The following RPH3A variants were observed in gnomAD, a reference collection of about 807,000 sequenced individuals.
The protein encoded by RPH3A is rabphilin 3A, also known as rabphilin-3A.
In RPH3A, 48 loss-of-function variants were observed where a neutral mutation model predicts 102.2. The observed-to-expected ratio is 0.47, with a 90% CI of 0.37 to 0.60. The LOEUF is 0.60. Ranked by LOEUF, RPH3A falls within the 20% of genes least tolerant of loss-of-function variation. RPH3A has a pLI of 0.00. For synonymous variants in RPH3A, 310 were observed against 324.3 expected, an observed-to-expected ratio of 0.96 and a Z score of 0.47; for missense variants, 781 against 910.1, an observed-to-expected ratio of 0.86 and a Z score of 1.83.
intron 2 of RPH3A, among the ~76,000 whole-genome samples, chr12:112,795,629 C>T (rs1593007410): frequency 6.6e-6 from 1 of 152,186 alleles, no homozygotes; most frequent in South Asian, 2.1e-4. Flanking sequence ...CTTAATCTCT[C>T]TGAGCCTCAG....
chr12:112,631,478 C>G (rs574840463), intron 1 of RPH3A, among the ~76,000 whole-genome samples: 2 of 152,070 alleles, frequency 1.3e-5, no homozygotes, highest in South Asian at 2.1e-4. Flanking sequence ...AAGTTCAAAC[C>G]CACTTTTAAC....
chr12:112,804,226 C>T (rs909162374), intron 2 of RPH3A, among the ~76,000 whole-genome samples: 2 of 152,130 alleles, frequency 1.3e-5, no homozygotes, highest in African/African-American at 4.8e-5. Flanking sequence ...GTGGCCAAAC[C>T]ATAAAGCTCC....
At chr12:112,842,394 C>T (rs559119846) in intron 4 of RPH3A, among the ~76,000 whole-genome samples, 2 of 152,296 alleles carry the variant, frequency 1.3e-5, no homozygotes, top group African/African-American at 2.4e-5. Flanking sequence ...GATGAGCTCA[C>T]TAATAAGTAT....
At position 112,813,088 on chromosome 12, in the gene RPH3A, G is replaced by A. The variant is rs141167378; in HGVS notation, c.-18-15213G>A. Reference sequence around the variant, plus strand: ...GTTATCATCCTTGTTTTTCTTAGAAGGAAAGAAAGGCATAGAGAGGTTAAG... The same window carrying A: ...GTTATCATCCTTGTTTTTCTTAGAAAGAAAGAAAGGCATAGAGAGGTTAAG... On this transcript the variant is annotated intron_variant, in intron 2 of 21. Transcript: ENST00000389385. Among the ~76,000 whole-genome samples the A allele has an allele frequency of 3.3e-5, 5 of 152,240 alleles. No homozygotes were observed. The East Asian group carries it at 9.6e-4, about 29-fold the overall frequency.
In RPH3A at chr12:112,716,679, G is replaced by A. The variant is rs116185926; in HGVS notation, c.-139-75464G>A. Among the ~76,000 whole-genome samples, 578 of 152,320 alleles carry A rather than the reference G, an allele frequency of 3.8e-3. 6 individuals are homozygous for A. The highest frequency in any genetic ancestry group is 0.013 in the African/African-American group (550 of 41,566). The stretch of plus-strand genomic sequence containing the variant: ...GTCACATGCCCACACCTAAGTGGAG[G>A]CTGGGAAATGTAGTCTCTGGCTAGG... On this transcript the variant is annotated intron_variant, in intron 1 of 21. Transcript: ENST00000543106.
chr12:112,707,975 G>T (rs2040436417), intron 1 of RPH3A, among the ~76,000 whole-genome samples: 1 of 152,236 alleles, frequency 6.6e-6, no homozygotes, highest in Admixed American at 6.5e-5. Flanking sequence ...TGGGTAGTGG[G>T]CCAAGGTGTT....
At chr12:112,629,606 A>G (rs1291116267) in intron 1 of RPH3A, among the ~76,000 whole-genome samples, 1 of 150,754 alleles carries the variant, frequency 6.6e-6, no homozygotes, top group African/African-American at 2.4e-5. Flanking sequence ...CCTCCCTAGT[A>G]CCTGGCACTG....
At chr12:112,865,119 A>C (rs2042586181) in intron 5 of RPH3A, among the ~76,000 whole-genome samples, 2 of 152,208 alleles carry the variant, frequency 1.3e-5, no homozygotes. Flanking sequence ...AACGCTCAGA[A>C]GGCAGTTTCT....
At chr12:112,667,344 A>G (rs571538864) in intron 1 of RPH3A, among the ~76,000 whole-genome samples, 1 of 152,278 alleles carries the variant, frequency 6.6e-6, no homozygotes, top group South Asian at 2.1e-4. Flanking sequence ...GGAAGCTCAA[A>G]TAATATGTCA....
At chr12:112,630,504 G>A (rs998119822) in intron 1 of RPH3A, among the ~76,000 whole-genome samples, 1 of 152,152 alleles carries the variant, frequency 6.6e-6, no homozygotes, top group African/African-American at 2.4e-5. Flanking sequence ...AGACAAGGGG[G>A]CCAGGCTTCT....
intron 1 of RPH3A, among the ~76,000 whole-genome samples, chr12:112,680,614 T>C (rs560181199): frequency 6.4e-4 from 98 of 152,090 alleles, no homozygotes; most frequent in African/African-American, 2.3e-3. Flanking sequence ...TCCCACCACC[T>C]CTCTAGTTAC....
At chr12:112,891,228 T>C (rs1250174260) in intron 19 of RPH3A, 25 of 567,946 alleles carry the variant, frequency 4.4e-5, no homozygotes, top group Non-Finnish European at 6.6e-5. Flanking sequence ...CAAAGCTCTG[T>C]GGCTCTGTCC....
At chr12:112,880,819 C>T (rs1355198798) in intron 14 of RPH3A, among the ~76,000 whole-genome samples, 2 of 152,118 alleles carry the variant, frequency 1.3e-5, no homozygotes, top group Admixed American at 6.5e-5. Flanking sequence ...TGTATTCTTA[C>T]AATAAAGTAA....
intron 1 of RPH3A, among the ~76,000 whole-genome samples, chr12:112,578,024 C>T (rs2039371613): frequency 6.6e-6 from 1 of 152,182 alleles, no homozygotes; most frequent in Non-Finnish European, 1.5e-5. Flanking sequence ...CTCTCTTCCC[C>T]TCTGAGTTAT....
intron 5 of RPH3A, among the ~76,000 whole-genome samples, chr12:112,853,016 G>A (rs181384351): frequency 2.6e-5 from 4 of 152,270 alleles, no homozygotes; most frequent in South Asian, 2.1e-4. Flanking sequence ...GCATCCAGAC[G>A]CCGTGATGGA....
intron 1 of RPH3A, among the ~76,000 whole-genome samples, chr12:112,634,549 CAAAAAAAAA>C (rs59376255): frequency 9.6e-6 from 1 of 103,946 alleles, no homozygotes; most frequent in Non-Finnish European, 2.0e-5. Context: ...GAGCAAGACT[CAAAAAAAAA>C]AAAAAAAAGG....
chr12:112,694,283 G>A (rs1453131018), intron 1 of RPH3A, among the ~76,000 whole-genome samples: 1 of 152,198 alleles, frequency 6.6e-6, no homozygotes, highest in Non-Finnish European at 1.5e-5. Context: ...GAGTGTCTGA[G>A]TCTCACGTGG....
At chr12:112,838,398 G>T (rs561108108) in intron 4 of RPH3A, among the ~76,000 whole-genome samples, 56 of 152,348 alleles carry the variant, frequency 3.7e-4, no homozygotes, top group South Asian at 1.2e-3. Context: ...ACTCCCATTA[G>T]TCTGGTTGGG....
intron 1 of RPH3A, among the ~76,000 whole-genome samples, chr12:112,648,570 CAAAAAAAA>C (rs1167121829): frequency 5.4e-4 from 6 of 11,044 alleles, no homozygotes; most frequent in African/African-American, 1.2e-3. Flanking sequence ...CCCATCTCTA[CAAAAAAAA>C]AAAAAAAAAA....
Sources: gnomAD v4.1 joint callset for allele counts (sites outside exome capture counted in the v4.1 genomes callset) on GRCh38, gnomAD v4.1.1 for gene constraint, MANE v1.5 for transcripts, NCBI Gene and HGNC (gene_info 2026-07-23, HGNC 2026-07-21) for gene names.